Variants in ITPK1 observed in about 807,000 individuals in gnomAD.
The protein encoded by ITPK1 is inositol 1,3,4-trisphosphate 5/6-kinase.
A neutral mutation model predicts 45.3 loss-of-function variants in ITPK1; 21 were observed. That is an observed-to-expected ratio of 0.46 (90% CI 0.33 to 0.67). The LOEUF is 0.67. Among genes scored for constraint, ITPK1 ranks in the 30% least tolerant of loss-of-function variants. The pLI is 0.02. For missense variants in ITPK1, 474 were observed against 573.5 expected, an observed-to-expected ratio of 0.83 and a Z score of 1.77; for synonymous variants, 258 against 253.6, an observed-to-expected ratio of 1.02 and a Z score of -0.16.
chr14:93,083,485 C>CG (rs1891524330), intron 2 of ITPK1, among the ~76,000 whole-genome samples: 2 of 152,132 alleles, frequency 1.3e-5, no homozygotes, highest in Non-Finnish European at 2.9e-5. Flanking sequence ...GAGAACAACT[C>CG]GGGGAAGTGG....
chr14:92,981,082 G>A (rs1171677779), intron 5 of ITPK1, among the ~76,000 whole-genome samples: 1 of 152,176 alleles, frequency 6.6e-6, no homozygotes, highest in African/African-American at 2.4e-5. Flanking sequence ...GTCCTGCCCT[G>A]TGGAGCTGGC....
At position 92,938,466 on chromosome 14, in the gene ITPK1, T is replaced by A. The variant is rs750339707; in HGVS notation, c.*3095A>T. 6.2e-7 allele frequency: 1 copy of A among 1,608,630 alleles called. No individual in the cohort carries two copies. The highest frequency in any genetic ancestry group is 8.5e-7 in the Non-Finnish European group (1 of 1,175,016). On this transcript the variant is annotated 3_prime_UTR_variant, in exon 11 of 11. Transcript: ENST00000267615. ...CTGCTTTGCTCAGTTGGCTCAAACA[T>A]GTGACAGCTTCCTACTTCAGTCGGT...
At chr14:92,948,976 C>T (rs1887826666) in intron 9 of ITPK1, among the ~76,000 whole-genome samples, 1 of 152,202 alleles carries the variant, frequency 6.6e-6, no homozygotes, top group Non-Finnish European at 1.5e-5. Context: ...TTGCAGGACA[C>T]ACAGGGCCCC....
intron 3 of ITPK1, among the ~76,000 whole-genome samples, chr14:93,022,234 C>A (rs924536976): frequency 6.6e-5 from 10 of 152,208 alleles, no homozygotes; most frequent in African/African-American, 2.4e-4. Context: ...TCCCAGGATG[C>A]TGGCCTAAGG....
chr14:92,944,044 A>G (rs1015918827), intron 10 of ITPK1, among the ~76,000 whole-genome samples: 1 of 152,220 alleles, frequency 6.6e-6, no homozygotes, highest in Non-Finnish European at 1.5e-5. Flanking sequence ...CCCTTTGCAC[A>G]ACGCCTCGTG....
intron 3 of ITPK1, among the ~76,000 whole-genome samples, chr14:93,023,814 C>T (rs538954731): frequency 1.2e-3 from 189 of 152,272 alleles, no homozygotes; most frequent in African/African-American, 4.4e-3. Flanking sequence ...CACATCACGA[C>T]GTGGCTATTC....
intron 5 of ITPK1, among the ~76,000 whole-genome samples, chr14:92,990,938 G>A (rs1196010060): frequency 2.6e-5 from 4 of 151,756 alleles, no homozygotes; most frequent in Non-Finnish European, 2.9e-5. Context: ...GCACCCACCC[G>A]TCCCCCACCA....
intron 5 of ITPK1, among the ~76,000 whole-genome samples, chr14:92,971,143 C>A (rs1340774709): frequency 6.6e-6 from 1 of 152,168 alleles, no homozygotes; most frequent in African/African-American, 2.4e-5. Flanking sequence ...CACCCAAGGG[C>A]CCCACGCTGC....
chr14:92,941,522 C>G lies in ITPK1; in HGVS notation c.*39G>C. On this transcript the variant is annotated 3_prime_UTR_variant, in exon 11 of 11. Coordinates refer to ENST00000267615, the MANE Select transcript of ITPK1 (RefSeq NM_014216.6). ...GAGCTGCTGGCCCAGCGGGTGTGCT[C>G]TGCGCCCTGCGCTGCCCCTCTGGGT... 4.0e-6 allele frequency: 6 copies of G among 1,499,082 alleles called. No individual in the cohort carries two copies. Among genetic ancestry groups the G allele is most frequent in the South Asian group, 3.8e-5 (3 of 79,298 alleles). 92.9% of individuals were successfully genotyped at this position (1,499,082 alleles called of 1,614,324 possible).
At chr14:93,066,888 G>A (rs1890779884) in intron 3 of ITPK1, among the ~76,000 whole-genome samples, 1 of 152,150 alleles carries the variant, frequency 6.6e-6, no homozygotes, top group Non-Finnish European at 1.5e-5. Flanking sequence ...AGCTGGACAA[G>A]GAGCACAGTC....
At chr14:93,055,000 G>A (rs1044249541) in intron 3 of ITPK1, among the ~76,000 whole-genome samples, 3 of 152,118 alleles carry the variant, frequency 2.0e-5, no homozygotes, top group Non-Finnish European at 2.9e-5. Context: ...AAAGGTGACC[G>A]CCAGCCTGCC....
chr14:92,977,520 C>T (rs1160502906), intron 5 of ITPK1, among the ~76,000 whole-genome samples: 1 of 152,244 alleles, frequency 6.6e-6, no homozygotes, highest in South Asian at 2.1e-4. Context: ...GCACCCAAAT[C>T]TCATGTTGAA....
intron 3 of ITPK1, among the ~76,000 whole-genome samples, chr14:93,075,862 C>CAG (rs111408271): frequency 0.23 from 34,473 of 152,082 alleles, 5,352 homozygotes; most frequent in African/African-American, 0.45. Context: ...GCACAGACCA[C>CAG]AGTCACCCTC....
At chr14:93,020,263 C>G (rs1888404326) in intron 3 of ITPK1, among the ~76,000 whole-genome samples, 2 of 152,230 alleles carry the variant, frequency 1.3e-5, no homozygotes, top group Admixed American at 6.5e-5. Flanking sequence ...CCCAATCGTA[C>G]CCAGCCTGGT....
At chr14:93,047,421 A>C (rs1265368102) in intron 3 of ITPK1, among the ~76,000 whole-genome samples, 1 of 152,212 alleles carries the variant, frequency 6.6e-6, no homozygotes, top group Non-Finnish European at 1.5e-5. Flanking sequence ...TGCAGATATA[A>C]TCAAATTAAG....
chr14:92,948,853 G>A lies in ITPK1; in HGVS notation c.739-2360C>T, dbSNP rs561660931. Reference sequence around the variant, plus strand: ...CACCACCCACGCTCCAAGTCCGGGCGCCGCCCACGCTCCGAGGGACCCACA... The same window carrying A: ...CACCACCCACGCTCCAAGTCCGGGCACCGCCCACGCTCCGAGGGACCCACA... On this transcript the variant is annotated intron_variant, in intron 9 of 10. Coordinates refer to ENST00000267615, the MANE Select transcript of ITPK1 (RefSeq NM_014216.6). Among the ~76,000 whole-genome samples, 37 of 99,862 alleles carry A rather than the reference G, an allele frequency of 3.7e-4. No homozygotes were observed. In the Middle Eastern group the frequency reaches 0.019, roughly 51 times the overall value. The allele number at this position is 99,862 out of a possible 152,430, so 65.5% of individuals were successfully genotyped here. A position where few individuals can be genotyped will look rare whatever the true frequency, so the allele number is the denominator to read the frequency against.
At position 92,938,765 on chromosome 14, in the gene ITPK1, G is replaced by A. The variant is rs8011546; in HGVS notation, c.*2796C>T. 285,248 of 590,914 alleles carry A rather than the reference G, an allele frequency of 0.48. 71,482 individuals carry two copies. Among genetic ancestry groups the A allele is most frequent in the East Asian group, 0.73 (25,916 of 35,616 alleles). The allele number at this position is 590,914 out of a possible 1,614,324, so 36.6% of individuals were successfully genotyped here. The stretch of plus-strand genomic sequence containing the variant: ...CAGGGTGGCCTCCCCTTGGCTCTTG[G>A]GGTGGGGACACCCAGCAGCTGGCAC... On this transcript the variant is annotated 3_prime_UTR_variant, in exon 11 of 11. Coordinates refer to ENST00000267615, the MANE Select transcript of ITPK1 (RefSeq NM_014216.6).
At chr14:93,070,375 C>A (rs12147304) in intron 3 of ITPK1, 4,685 of 152,382 alleles carry the variant, frequency 0.031, 108 homozygotes, top group Non-Finnish European at 0.046. Context: ...GTGGAAGGTG[C>A]CCCCAGGTGA....
rs1435890125 is a variant in ITPK1, at chr14:93,012,650, C to A, written c.246+4026G>T. On this transcript the variant is annotated intron_variant, in intron 4 of 10. Transcript: ENST00000267615. This position sits in a 1 kb window ranked among gnomAD's most constrained non-coding sequence, Gnocchi z 4.9. ...GCTGGCCTCTCCTCCTGGCCAGGAG[C>A]TCGCGGGCAGGGCACCCAGCAGTGC... Among the ~76,000 whole-genome samples the A allele has an allele frequency of 6.6e-6, 1 of 152,158 alleles. No individual in the cohort carries two copies. The highest frequency in any genetic ancestry group is 2.1e-4 in the South Asian group (1 of 4,824).
Sources: gnomAD v4.1 joint callset for allele counts (sites outside exome capture counted in the v4.1 genomes callset) on GRCh38, gnomAD v4.1.1 for gene constraint, Gnocchi (gnomAD v3.1) non-coding constraint, MANE v1.5 for transcripts, NCBI Gene and HGNC (gene_info 2026-07-23, HGNC 2026-07-21) for gene names.